PCDHGA11: variants seen among roughly 807,000 people sequenced by gnomAD.
The protein encoded by PCDHGA11 is protocadherin gamma-A11.
PCDHGA11 carries 39 observed loss-of-function variants against 60.4 expected under a neutral mutation model. That is an observed-to-expected ratio of 0.65 (90% CI 0.50 to 0.84). PCDHGA11 has a LOEUF of 0.84. Ranked by LOEUF, PCDHGA11 falls within the 40% of genes least tolerant of loss-of-function variation. The pLI, the probability that PCDHGA11 is intolerant of heterozygous loss-of-function variation, is 0.00. For missense variants in PCDHGA11, 1,165 were observed against 1,197.7 expected, an observed-to-expected ratio of 0.97 and a Z score of 0.40; for synonymous variants, 533 against 510.3, an observed-to-expected ratio of 1.04 and a Z score of -0.60.
chr5:141,473,312 A>G (rs1432409474), intron 1 of PCDHGA11, among the ~76,000 whole-genome samples: 1 of 152,228 alleles, frequency 6.6e-6, no homozygotes, highest in Non-Finnish European at 1.5e-5. Context: ...TGCTATATTA[A>G]TAAGCATTAA....
rs556217163 is a variant in PCDHGA11, at chr5:141,433,697, C to T, written c.2433+10037C>T. Among the ~76,000 whole-genome samples the T allele has an allele frequency of 6.0e-4, 91 of 152,138 alleles. 1 individual carries two copies. Among genetic ancestry groups the T allele is most frequent in the African/African-American group, 2.0e-3 (85 of 41,536 alleles). ...CTAAAAAAATACAAAATTAGCCGGGCGTGGTGGTGCATGTCTGTAATCCCA... is the reference window on the plus strand; with the variant it reads ...CTAAAAAAATACAAAATTAGCCGGGTGTGGTGGTGCATGTCTGTAATCCCA... On this transcript the variant is annotated intron_variant, in intron 1 of 3. Coordinates refer to ENST00000398587, the MANE Select transcript of PCDHGA11 (RefSeq NM_018914.3).
In PCDHGA11 at chr5:141,422,886, G is replaced by A; in HGVS notation, c.1659G>A (p.Val553=). ...GCAACGTGTCGCTGAGCCTGTTCGT[G>A]CTGGACCAGAACGACAATGCGCCCG... ...LSSNVSLSLF[V]LDQNDNAPEI... Residue 553 remains valine (V), a synonymous_variant, in exon 1 of 4, where the codon GTG becomes GTA. Transcript: ENST00000398587. 1 of 1,614,260 alleles carries A rather than the reference G, an allele frequency of 6.2e-7. No individual in the cohort carries two copies. Among genetic ancestry groups the A allele is most frequent in the Non-Finnish European group, 8.5e-7 (1 of 1,180,044 alleles).
Position 141,491,699 on chromosome 5 carries a change from A to G in PCDHGA11, c.2434-3108A>G. The G allele has an allele frequency of 6.2e-7, 1 of 1,612,008 alleles. No individual in the cohort carries two copies. The highest frequency in any genetic ancestry group is 1.1e-5 in the South Asian group (1 of 90,926). ...TCTAATACGCTGCGGGAGCGGAGCC[A>G]GGTGAGGGGCTCGGCGCCGCCCCGG... On this transcript the variant is annotated intron_variant, in intron 1 of 3. Transcript: ENST00000398587. The surrounding 1 kb of genome is among the most constrained non-coding windows in gnomAD (Gnocchi z 6.9).
intron 1 of PCDHGA11, among the ~76,000 whole-genome samples, chr5:141,472,869 C>T (rs919331906): frequency 6.6e-6 from 1 of 151,388 alleles, no homozygotes; most frequent in Non-Finnish European, 1.5e-5. Context: ...GCCTGTATTC[C>T]CAGCTACTCG....
intron 1 of PCDHGA11, among the ~76,000 whole-genome samples, chr5:141,472,274 G>A (rs1170341842): frequency 6.6e-6 from 1 of 152,176 alleles, no homozygotes; most frequent in Admixed American, 6.5e-5. Flanking sequence ...GGGCACAGTG[G>A]CTCACACCTG....
At position 141,423,082 on chromosome 5, in the gene PCDHGA11, G is replaced by A. The variant is rs1390567548; in HGVS notation, c.1855G>A (p.Ala619Thr). 3 of 1,614,078 alleles carry A rather than the reference G, an allele frequency of 1.9e-6. No homozygotes were observed. Among genetic ancestry groups the A allele is most frequent in the Admixed American group, 1.7e-5 (1 of 60,036 alleles). Residue 619 changes from alanine to threonine, a missense_variant, in exon 1 of 4, where the codon GCG becomes ACG. Physicochemically the swap from Ala to Thr is moderately conservative, Grantham distance 58. Coordinates refer to ENST00000398587, the MANE Select transcript of PCDHGA11 (RefSeq NM_018914.3). Reference sequence around the variant, plus strand: ...TAAGGCCAGCGAGCCGGGACTCTTCGCGGTGGGGGAGCACACGGGCGAGGT... The same window carrying A: ...TAAGGCCAGCGAGCCGGGACTCTTCACGGTGGGGGAGCACACGGGCGAGGT... The part of the protein sequence containing the change: ...LLKASEPGLF[A>T]VGEHTGEVRT...
chr5:141,477,566 C>T lies in PCDHGA11; in HGVS notation c.2434-17241C>T, dbSNP rs749100730. On this transcript the variant is annotated intron_variant, in intron 1 of 3. Coordinates refer to ENST00000398587, the MANE Select transcript of PCDHGA11 (RefSeq NM_018914.3). The surrounding 1 kb of genome is among the most constrained non-coding windows in gnomAD (Gnocchi z 4.9). ...AATACTAAACCTAAGTGTCTGGGAC[C>T]CCGACGCCCCGCAGAATGCTCGGCT... The T allele has an allele frequency of 1.9e-6, 3 of 1,613,988 alleles. No homozygotes were observed. The highest frequency in any genetic ancestry group is 8.5e-7 in the Non-Finnish European group (1 of 1,180,032).
In PCDHGA11 at chr5:141,491,681, C is replaced by A; in HGVS notation, c.2434-3126C>A. The A allele has an allele frequency of 6.2e-7, 1 of 1,613,458 alleles. No individual in the cohort carries two copies. Among genetic ancestry groups the A allele is most frequent in the Non-Finnish European group, 8.5e-7 (1 of 1,179,804 alleles). ...GACGCCATCCGGTCCCGCTCTAATA[C>A]GCTGCGGGAGCGGAGCCAGGTGAGG... On this transcript the variant is annotated intron_variant, in intron 1 of 3. Coordinates refer to ENST00000398587, the MANE Select transcript of PCDHGA11 (RefSeq NM_018914.3). This position sits in a 1 kb window ranked among gnomAD's most constrained non-coding sequence, Gnocchi z 6.9.
intron 1 of PCDHGA11, chr5:141,426,648 A>G (rs1224402025): frequency 2.4e-6 from 1 of 418,088 alleles, no homozygotes; most frequent in Non-Finnish European, 4.9e-6. Flanking sequence ...AAATGTGATG[A>G]TAGAAGATAT....
At chr5:141,501,409 A>G (rs1358547245) in intron 2 of PCDHGA11, among the ~76,000 whole-genome samples, 1 of 151,978 alleles carries the variant, frequency 6.6e-6, no homozygotes, top group African/African-American at 2.4e-5. Context: ...ACTGCTTGGA[A>G]AATAGTTGAC....
At position 141,476,002 on chromosome 5, in the gene PCDHGA11, C is replaced by A; in HGVS notation, c.2434-18805C>A. 1 of 1,247,396 alleles carries A rather than the reference C, an allele frequency of 8.0e-7. No individual in the cohort carries two copies. Among genetic ancestry groups the A allele is most frequent in the Non-Finnish European group, 1.1e-6 (1 of 904,880 alleles). 77.3% of individuals were successfully genotyped at this position (1,247,396 alleles called of 1,614,324 possible). ...AGCCGGCGAGCAAATCAACGGCATC[C>A]AGAAAGCCATGTCGGACTCGGCGCC... On this transcript the variant is annotated intron_variant, in intron 1 of 3. Transcript: ENST00000398587. This position sits in a 1 kb window ranked among gnomAD's most constrained non-coding sequence, Gnocchi z 7.6.
rs776773140 is a variant in PCDHGA11, at chr5:141,476,589, G to T, written c.2434-18218G>T. The T allele has an allele frequency of 6.2e-7, 1 of 1,614,246 alleles. No individual in the cohort carries two copies. Among genetic ancestry groups the T allele is most frequent in the South Asian group, 1.1e-5 (1 of 91,090 alleles). On this transcript the variant is annotated intron_variant, in intron 1 of 3. Coordinates refer to ENST00000398587, the MANE Select transcript of PCDHGA11 (RefSeq NM_018914.3). This position sits in a 1 kb window ranked among gnomAD's most constrained non-coding sequence, Gnocchi z 7.6. ...CCGGGGACGCGCTTTCCGCTCGAGA[G>T]CGCGCACGATCCCGATGTGGGAAGC...
intron 1 of PCDHGA11, among the ~76,000 whole-genome samples, chr5:141,463,318 C>A (rs2099056713): frequency 6.6e-6 from 1 of 151,878 alleles, no homozygotes; most frequent in East Asian, 1.9e-4. Flanking sequence ...ATATCTATTC[C>A]TCAACTCAGC....
In PCDHGA11 at chr5:141,431,211, G is replaced by A. The variant is rs1054638121; in HGVS notation, c.2433+7551G>A. The A allele has an allele frequency of 6.2e-7, 1 of 1,614,004 alleles. No individual in the cohort carries two copies. The highest frequency in any genetic ancestry group is 1.7e-5 in the Admixed American group (1 of 60,006). ...AGTGAAAATGCAGCCACTGAGATGC[G>A]GTTCCCTCTACCCCACGCCTGGGAT... On this transcript the variant is annotated intron_variant, in intron 1 of 3. Coordinates refer to ENST00000398587, the MANE Select transcript of PCDHGA11 (RefSeq NM_018914.3). This position sits in a 1 kb window ranked among gnomAD's most constrained non-coding sequence, Gnocchi z 4.8.
Position 141,476,140 on chromosome 5 carries a change from C to G in PCDHGA11, c.2434-18667C>G. On this transcript the variant is annotated intron_variant, in intron 1 of 3. Coordinates refer to ENST00000398587, the MANE Select transcript of PCDHGA11 (RefSeq NM_018914.3). This position sits in a 1 kb window ranked among gnomAD's most constrained non-coding sequence, Gnocchi z 7.6. ...AGATGGTCCCAGAGGCCTGGAGGAGCGGACTGGTAAGCACCGGGAGGGTAG... is the reference window on the plus strand; with the variant it reads ...AGATGGTCCCAGAGGCCTGGAGGAGGGGACTGGTAAGCACCGGGAGGGTAG... The G allele has an allele frequency of 2.5e-6, 4 of 1,609,222 alleles. No individual in the cohort carries two copies. Among genetic ancestry groups the G allele is most frequent in the Non-Finnish European group, 1.7e-6 (2 of 1,178,484 alleles).
chr5:141,473,497 C>T (rs2099323546), intron 1 of PCDHGA11, among the ~76,000 whole-genome samples: 1 of 152,106 alleles, frequency 6.6e-6, no homozygotes, highest in Non-Finnish European at 1.5e-5. Context: ...ATAAGGTGTT[C>T]TGAGAGAGCA....
At chr5:141,460,331 A>T (rs537463160) in intron 1 of PCDHGA11, among the ~76,000 whole-genome samples, 3 of 152,212 alleles carry the variant, frequency 2.0e-5, no homozygotes, top group African/African-American at 7.2e-5. Flanking sequence ...AAAACTTATG[A>T]TGATTTTCTC....
intron 1 of PCDHGA11, chr5:141,427,965 C>T: frequency 6.3e-7 from 1 of 1,590,342 alleles, no homozygotes; most frequent in Non-Finnish European, 8.6e-7. Flanking sequence ...GCCGCGGGTG[C>T]TGTACCCCGC....
rs1193417991 is a variant in PCDHGA11 at position 141,491,413 on chromosome 5, G to C, written c.2434-3394G>C. 5.0e-6 allele frequency: 8 copies of C among 1,613,946 alleles called. No individual in the cohort carries two copies. Among genetic ancestry groups the C allele is most frequent in the African/African-American group, 1.3e-5 (1 of 74,906 alleles). ...CCTTCAGGGAAACGCAGACGGGGAC[G>C]GGGGTGGAGGGCAGTGCTGCAGGCG... On this transcript the variant is annotated intron_variant, in intron 1 of 3. Transcript: ENST00000398587. The surrounding 1 kb of genome is among the most constrained non-coding windows in gnomAD (Gnocchi z 6.9).
Sources: allele counts gnomAD v4.1 joint callset (sites outside exome capture counted in the v4.1 genomes callset), GRCh38; gene constraint gnomAD v4.1.1; non-coding constraint Gnocchi (gnomAD v3.1); transcripts MANE v1.5; gene names NCBI Gene and HGNC (gene_info 2026-07-23, HGNC 2026-07-21).